The following RAPH1 variants were observed in gnomAD, a reference collection of about 807,000 sequenced individuals.
The protein encoded by RAPH1 is ras-associated and pleckstrin homology domains-containing protein 1.
In RAPH1, 18 loss-of-function variants were observed where a neutral mutation model predicts 88.1. That is an observed-to-expected ratio of 0.20 (90% CI 0.14 to 0.30). RAPH1 has a LOEUF of 0.30. Ranked by LOEUF, RAPH1 falls within the 10% of genes least tolerant of loss-of-function variation. RAPH1 has a pLI of 1.00. For synonymous variants in RAPH1, 587 were observed against 559.0 expected (o/e 1.05, Z -0.71); for missense variants, 1,448 against 1,543.2 (o/e 0.94, Z 1.03).
chr2:203,492,333 A>G (rs538940618), intron 2 of RAPH1, among the ~76,000 whole-genome samples: 1 of 152,168 alleles, frequency 6.6e-6, no homozygotes, highest in Non-Finnish European at 1.5e-5. Context: ...TGCTATATGA[A>G]GTACTCTGAA....
At chr2:203,481,525 T>C (rs1687718398) in intron 4 of RAPH1, among the ~76,000 whole-genome samples, 1 of 151,004 alleles carries the variant, frequency 6.6e-6, no homozygotes, top group African/African-American at 2.4e-5. Flanking sequence ...TTTTTAAAAC[T>C]ATTTCTTTTT....
At chr2:203,461,826 C>A in intron 5 of RAPH1, 22 bp downstream of exon 5, 1 of 1,566,124 alleles carries the variant, frequency 6.4e-7, no homozygotes, top group Middle Eastern at 1.7e-4. Context: ...AATCCCAAAC[C>A]AGGAAGAGGC....
At position 203,461,849 on chromosome 2, in the gene RAPH1, T is replaced by A. The variant is rs763573637; in HGVS notation, c.809A>T (p.Lys270Met). Residue 270 changes from lysine to methionine, a missense_variant and splice_region_variant, in exon 5 of 14, where the codon AAG (lysine) becomes ATG (methionine). By Grantham distance (95) the Lys-to-Met change is moderately conservative (BLOSUM62 -1). This residue lies in a region of RAPH1 where 513 missense variants were observed against 653.1 expected (regional missense o/e 0.79). Transcript: ENST00000319170. ...LEKIKEAQVKKLVIRVHMSDD... is the reference protein window; with the variant it reads ...LEKIKEAQVKMLVIRVHMSDD... The stretch of plus-strand genomic sequence containing the variant: ...ACCAGGAAGAGGCCCACATATCACC[T>A]TTTTCACTTGTGCCTCTTTAATTTT... The A allele has an allele frequency of 6.3e-7, 1 of 1,596,904 alleles. No homozygotes were observed. The highest frequency in any genetic ancestry group is 8.5e-7 in the Non-Finnish European group (1 of 1,171,290).
At chr2:203,510,475 G>C (rs1212083598) in intron 1 of RAPH1, among the ~76,000 whole-genome samples, 1 of 151,944 alleles carries the variant, frequency 6.6e-6, no homozygotes, top group African/African-American at 2.4e-5. Flanking sequence ...ATGGGAAAAA[G>C]GATGCTCTGC....
At chr2:203,488,785 C>G (rs1035714992) in intron 4 of RAPH1, among the ~76,000 whole-genome samples, 1 of 151,902 alleles carries the variant, frequency 6.6e-6, no homozygotes, top group Non-Finnish European at 1.5e-5. Context: ...TTTCCTGATT[C>G]CATACCTGGT....
chr2:203,459,935 T>C lies in RAPH1; in HGVS notation c.1064A>G (p.Glu355Gly). ...TGGGTTTTTGAAAAGTGCATATTTTTCTATACGCTCCATAAATATAAGCTT... is the reference window on the plus strand; with the variant it reads ...TGGGTTTTTGAAAAGTGCATATTTTCCTATACGCTCCATAAATATAAGCTT... ...QNKLIFMERIEKYALFKNPQN... is the reference protein window; with the variant it reads ...QNKLIFMERIGKYALFKNPQN... Residue 355 changes from glutamate (E) to glycine (G), a missense_variant, in exon 7 of 14, where the codon GAA becomes GGA. Around this residue, in one of 2 missense-constraint regions of RAPH1, gnomAD observed 513 missense variants for 653.1 expected, o/e 0.79. Transcript: ENST00000319170. 6.2e-7 allele frequency: 1 copy of C among 1,613,416 alleles called. No homozygotes were observed. Among genetic ancestry groups the C allele is most frequent in the African/African-American group, 1.3e-5 (1 of 75,032 alleles).
At chr2:203,446,350 T>A (rs530531458) in intron 12 of RAPH1, 1 of 152,206 alleles carries the variant, frequency 6.6e-6, no homozygotes, top group East Asian at 1.9e-4. Context: ...ATGTCAAAGG[T>A]CCCTATAACC....
At chr2:203,525,427 AC>A in intron 1 of RAPH1, among the ~76,000 whole-genome samples, 1 of 151,490 alleles carries the variant, frequency 6.6e-6, no homozygotes, top group South Asian at 2.1e-4. Context: ...GCAATCCACC[AC>A]CCCCTTGGCC....
intron 1 of RAPH1, among the ~76,000 whole-genome samples, chr2:203,512,028 G>A (rs1364701722): frequency 6.6e-6 from 1 of 151,846 alleles, no homozygotes; most frequent in African/African-American, 2.4e-5. Context: ...CAGGAGAATC[G>A]CTTGAACTCA....
rs563432602 is a variant in RAPH1, at chr2:203,475,207, A to G, written c.733-13282T>C. Among the ~76,000 whole-genome samples, 7 of 152,322 alleles carry G rather than the reference A, an allele frequency of 4.6e-5. No individual in the cohort carries two copies. The East Asian group carries it at 1.3e-3, about 29-fold the overall frequency. ...AGGATCACAAGGTCAGGAGATCAAT[A>G]CCATCCTGGCTAACATGGTGAAACC... is the stretch of plus-strand genomic sequence containing the variant. On this transcript the variant is annotated intron_variant, in intron 4 of 13. Transcript: ENST00000319170.
chr2:203,499,209 A>G (rs1688637600), intron 1 of RAPH1, among the ~76,000 whole-genome samples: 1 of 152,192 alleles, frequency 6.6e-6, no homozygotes, highest in African/African-American at 2.4e-5. Context: ...TATTTTAAAA[A>G]TCCCTTTAAA....
intron 3 of RAPH1, among the ~76,000 whole-genome samples, chr2:203,490,999 G>A (rs1162981590): frequency 6.7e-6 from 1 of 149,316 alleles, no homozygotes; most frequent in South Asian, 2.1e-4. Context: ...AGCCGAGACT[G>A]TGCCACTGAA....
At chr2:203,521,228 A>G (rs1364113134) in intron 1 of RAPH1, among the ~76,000 whole-genome samples, 1 of 151,946 alleles carries the variant, frequency 6.6e-6, no homozygotes, top group Admixed American at 6.6e-5. Context: ...TAATTTTTGT[A>G]TTTTTAGTAC....
At chr2:203,484,437 T>C (rs1053013901) in intron 4 of RAPH1, among the ~76,000 whole-genome samples, 4 of 152,174 alleles carry the variant, frequency 2.6e-5, no homozygotes, top group African/African-American at 9.7e-5. Flanking sequence ...CTCTACCCAC[T>C]AGATGCCAGT....
intron 10 of RAPH1, among the ~76,000 whole-genome samples, chr2:203,452,684 A>AGGCAC (rs1226642253): frequency 4.6e-5 from 7 of 152,216 alleles, no homozygotes; most frequent in African/African-American, 1.7e-4. Context: ...AGGCCAGGCC[A>AGGCAC]GGCACAGTAG....
chr2:203,493,386 T>C (rs774558869), intron 2 of RAPH1, among the ~76,000 whole-genome samples: 10 of 152,136 alleles, frequency 6.6e-5, no homozygotes, highest in Non-Finnish European at 1.0e-4. Flanking sequence ...CTCCCAAGCA[T>C]GGACAATAAA....
chr2:203,457,464 G>A (rs542773747), intron 8 of RAPH1, 66 bp downstream of exon 8: 6 of 1,300,414 alleles, frequency 4.6e-6, no homozygotes, highest in East Asian at 2.3e-5. Flanking sequence ...GATTGCAGGC[G>A]TGAGCCACCA....
chr2:203,512,071 C>A (rs1296458586), intron 1 of RAPH1, among the ~76,000 whole-genome samples: 1 of 151,944 alleles, frequency 6.6e-6, no homozygotes, highest in African/African-American at 2.4e-5. Context: ...CGAGATCGCA[C>A]CAATGCACTC....
intron 4 of RAPH1, among the ~76,000 whole-genome samples, chr2:203,484,050 A>G (rs1687850683): frequency 6.6e-6 from 1 of 152,196 alleles, no homozygotes. Context: ...GCTAATTTCC[A>G]TAATAAATCC....
Sources: gnomAD v4.1 joint callset for allele counts (sites outside exome capture counted in the v4.1 genomes callset) on GRCh38, gnomAD v4.1.1 for gene constraint, gnomAD v4.1.1 regional missense constraint, MANE v1.5 for transcripts, NCBI Gene and HGNC (gene_info 2026-07-23, HGNC 2026-07-21) for gene names.